Variants in SPECC1L observed in about 807,000 individuals in gnomAD.
SPECC1L encodes the protein sperm antigen with calponin homology and coiled-coil domains 1 like.
A neutral mutation model predicts 116.8 loss-of-function variants in SPECC1L; 40 were observed. The observed-to-expected ratio is 0.34, with a 90% confidence interval of 0.27 to 0.45. SPECC1L has a LOEUF of 0.45. Ranked by LOEUF, SPECC1L falls within the 20% of genes least tolerant of loss-of-function variation. The pLI is 1.00. For missense variants in SPECC1L, 1,110 were observed against 1,373.6 expected (o/e 0.81, Z 3.03); for synonymous variants, 504 against 500.6 (o/e 1.01, Z -0.09).
intron 2 of SPECC1L, among the ~76,000 whole-genome samples, chr22:24,296,738 A>G (rs544782529): frequency 6.6e-6 from 1 of 152,274 alleles, no homozygotes; most frequent in East Asian, 1.9e-4. Flanking sequence ...CCAGGTAGGG[A>G]CCCAGGACCT....
intron 14 of SPECC1L, among the ~76,000 whole-genome samples, chr22:24,373,244 A>G (rs980285319): frequency 6.6e-6 from 1 of 152,180 alleles, no homozygotes; most frequent in Non-Finnish European, 1.5e-5. Flanking sequence ...CAAGCTACCA[A>G]TGACTTTCTT....
At chr22:24,404,102 C>T (rs776314753) in intron 14 of SPECC1L, among the ~76,000 whole-genome samples, 51 of 152,310 alleles carry the variant, frequency 3.3e-4, no homozygotes, top group Non-Finnish European at 5.7e-4. Flanking sequence ...ACCACTCTGT[C>T]CTGTTTTAAA....
At chr22:24,302,883 C>G (rs545375775) in intron 3 of SPECC1L, among the ~76,000 whole-genome samples, 1 of 152,266 alleles carries the variant, frequency 6.6e-6, no homozygotes, top group Non-Finnish European at 1.5e-5. Context: ...TGCCTGTCTC[C>G]CTCACTGTCA....
rs544215416 is a variant in SPECC1L, at chr22:24,417,060, C to T, written c.*2437C>T. On this transcript the variant is annotated 3_prime_UTR_variant, in exon 17 of 17. Coordinates refer to ENST00000314328, the MANE Select transcript of SPECC1L (RefSeq NM_015330.6). ...GTTTAAAGTGACATTTGGAGATGCT[C>T]TCAGTCCTGTGGCATCTGGCACGAA... 6.6e-6 allele frequency: 1 copy of T among 152,458 alleles called. No individual in the cohort carries two copies. Among genetic ancestry groups the T allele is most frequent in the Non-Finnish European group, 1.5e-5 (1 of 68,046 alleles). The allele number at this position is 152,458 out of a possible 1,614,324, so 9.4% of individuals were successfully genotyped here.
intron 11 of SPECC1L, among the ~76,000 whole-genome samples, chr22:24,363,023 G>A (rs548535930): frequency 3.9e-5 from 6 of 152,282 alleles, no homozygotes; most frequent in South Asian, 2.1e-4. Flanking sequence ...AGAAGTATTC[G>A]TCTGTGTGGG....
intron 2 of SPECC1L, among the ~76,000 whole-genome samples, chr22:24,290,026 T>C (rs919058375): frequency 6.6e-5 from 10 of 152,216 alleles, no homozygotes; most frequent in Admixed American, 1.3e-4. Context: ...TTTATTCCAC[T>C]CCACTGCAGC....
At chr22:24,323,837 T>C (rs1473456711) in intron 5 of SPECC1L, among the ~76,000 whole-genome samples, 2 of 152,232 alleles carry the variant, frequency 1.3e-5, no homozygotes, top group Non-Finnish European at 2.9e-5. Context: ...TTTTCCCTTT[T>C]TCAGTTTGAT....
At chr22:24,349,159 G>A (rs1439584390) in intron 11 of SPECC1L, among the ~76,000 whole-genome samples, 1 of 152,076 alleles carries the variant, frequency 6.6e-6, no homozygotes, top group Non-Finnish European at 1.5e-5. Flanking sequence ...TCCTGCCTCA[G>A]CCTCCCGAGT....
At chr22:24,390,282 T>C (rs2042239827) in intron 14 of SPECC1L, among the ~76,000 whole-genome samples, 1 of 152,112 alleles carries the variant, frequency 6.6e-6, no homozygotes, top group Non-Finnish European at 1.5e-5. Context: ...TAGGGGTGTG[T>C]GGCATGAGAA....
intron 13 of SPECC1L, among the ~76,000 whole-genome samples, chr22:24,366,073 G>A (rs1240802504): frequency 1.3e-5 from 2 of 152,124 alleles, no homozygotes; most frequent in South Asian, 4.2e-4. Flanking sequence ...GGGGGATGCT[G>A]TAGGTAGGTG....
chr22:24,412,307 C>A (rs959815959), intron 15 of SPECC1L: 2 of 396,192 alleles, frequency 5.0e-6, no homozygotes, highest in Non-Finnish European at 9.6e-6. Flanking sequence ...CCTCGAAGAT[C>A]CCTGTGGGGG....
chr22:24,315,453 G>GC (rs2040541903), intron 4 of SPECC1L, among the ~76,000 whole-genome samples: 1 of 152,270 alleles, frequency 6.6e-6, no homozygotes. Flanking sequence ...TTTTGACAAG[G>GC]CCACAAGGCT....
chr22:24,317,039 ACC>A (rs1212808276), intron 4 of SPECC1L, among the ~76,000 whole-genome samples: 2 of 88,154 alleles, frequency 2.3e-5, no homozygotes, highest in Non-Finnish European at 4.7e-5. Context: ...CGGGGGGCTG[ACC>A]CCCCCACCTC....
At chr22:24,404,341 G>A (rs372309475) in intron 14 of SPECC1L, among the ~76,000 whole-genome samples, 6 of 152,250 alleles carry the variant, frequency 3.9e-5, no homozygotes, top group East Asian at 3.9e-4. Flanking sequence ...CCTGACTCAC[G>A]TGTCAGCACC....
chr22:24,388,671 A>C (rs1180033223), intron 14 of SPECC1L, among the ~76,000 whole-genome samples: 1 of 152,178 alleles, frequency 6.6e-6, no homozygotes, highest in African/African-American at 2.4e-5. Context: ...ACTGACTTCC[A>C]CAATGGTTGA....
intron 14 of SPECC1L, among the ~76,000 whole-genome samples, chr22:24,373,118 A>G (rs1239967937): frequency 1.3e-5 from 2 of 152,220 alleles, no homozygotes; most frequent in Non-Finnish European, 1.5e-5. Flanking sequence ...GCTCAATGAA[A>G]TAAAAGAGGA....
At chr22:24,410,881 TGGTGCTTTAAA>T (rs1421038502) in intron 14 of SPECC1L, among the ~76,000 whole-genome samples, 3 of 152,170 alleles carry the variant, frequency 2.0e-5, no homozygotes. Flanking sequence ...TTTTAATACA[TGGTGCTTTAAA>T]GGTCATTGAT....
At chr22:24,388,643 T>A (rs1285935639) in intron 14 of SPECC1L, among the ~76,000 whole-genome samples, 7 of 152,162 alleles carry the variant, frequency 4.6e-5, no homozygotes. Flanking sequence ...TAGTTCTAGA[T>A]CCCTGAGGAA....
intron 7 of SPECC1L, 107 bp from the exon 8 acceptor site, chr22:24,330,149 G>T: frequency 9.2e-7 from 1 of 1,088,442 alleles, no homozygotes. Context: ...ATCATCATTT[G>T]GAAGCATTAG....
Sources: gnomAD v4.1 joint callset for allele counts (sites outside exome capture counted in the v4.1 genomes callset) on GRCh38, gnomAD v4.1.1 for gene constraint, MANE v1.5 for transcripts, NCBI Gene and HGNC (gene_info 2026-07-23, HGNC 2026-07-21) for gene names.